USP6NL: variants seen among roughly 807,000 people sequenced by gnomAD.
USP6NL encodes USP6 N-terminal-like protein.
USP6NL carries 26 observed loss-of-function variants against 61.9 expected under a neutral mutation model. That is an observed-to-expected ratio of 0.42 (90% CI 0.31 to 0.58). The LOEUF (loss-of-function observed/expected upper bound fraction) is 0.58. USP6NL is among the 20% of genes least tolerant of loss of function. The probability of loss-of-function intolerance (pLI) is 0.16; values close to 1 mark genes in which losing one functional copy is unlikely to be tolerated. For synonymous variants in USP6NL, 432 were observed against 390.1 expected (o/e 1.11, Z -1.27); for missense variants, 1,114 against 1,034.3 (o/e 1.08, Z -1.06).
chr10:11,548,471 T>C lies in USP6NL; in HGVS notation c.5-20904A>G, dbSNP rs1399947367. On this transcript the variant is annotated intron_variant, in intron 2 of 14. Transcript: ENST00000609104. This position sits in a 1 kb window ranked among gnomAD's most constrained non-coding sequence, Gnocchi z 4.3. ...AGCTTGACATTTTATTATTTTTAAT[T>C]AACTCATTTTCCATTTTGGTCCATG... Among the ~76,000 whole-genome samples the C allele has an allele frequency of 3.9e-5, 6 of 152,224 alleles. No individual in the cohort carries two copies. The highest frequency in any genetic ancestry group is 7.3e-5 in the Non-Finnish European group (5 of 68,038).
At chr10:11,473,434 G>A (rs1364754072) in intron 14 of USP6NL, among the ~76,000 whole-genome samples, 2 of 152,278 alleles carry the variant, frequency 1.3e-5, no homozygotes, top group East Asian at 1.9e-4. Flanking sequence ...GTGGGTTTGG[G>A]GAGGCCAGGC....
chr10:11,561,353 A>G lies in USP6NL; in HGVS notation c.5-33786T>C, dbSNP rs763973849. ...TAACTTTTTTGGTGGGTTTCCATAA[A>G]GTCTTTCTCCTTTGCACATTCTAAA... On this transcript the variant is annotated intron_variant, in intron 2 of 14. Transcript: ENST00000609104. The surrounding 1 kb of genome is among the most constrained non-coding windows in gnomAD (Gnocchi z 4.1). 3.3e-5 allele frequency among the ~76,000 whole-genome samples: 5 copies of G among 152,226 alleles called. No individual in the cohort carries two copies. Among genetic ancestry groups the G allele is most frequent in the Non-Finnish European group, 7.3e-5 (5 of 68,032 alleles).
chr10:11,550,306 G>A (rs1487278488), intron 2 of USP6NL, among the ~76,000 whole-genome samples: 1 of 151,776 alleles, frequency 6.6e-6, no homozygotes, highest in Non-Finnish European at 1.5e-5. Flanking sequence ...GCTCTTCAAG[G>A]GATATAAATA....
intron 2 of USP6NL, among the ~76,000 whole-genome samples, chr10:11,555,433 A>AAAAAAATATAT (rs1275798295): frequency 1.0e-3 from 49 of 48,894 alleles, no homozygotes; most frequent in Non-Finnish European, 1.4e-3. Context: ...AAAAAAAAAA[A>AAAAAAATATAT]ATATATATAT....
At chr10:11,538,995 C>T (rs750781880) in intron 2 of USP6NL, among the ~76,000 whole-genome samples, 9 of 152,202 alleles carry the variant, frequency 5.9e-5, no homozygotes, top group East Asian at 1.9e-4. Context: ...GCTTCCATCA[C>T]GCTTCAAGTC....
At chr10:11,515,002 T>C (rs61844563) in intron 5 of USP6NL, among the ~76,000 whole-genome samples, 12,597 of 152,278 alleles carry the variant, frequency 0.083, 614 homozygotes, top group South Asian at 0.19. Flanking sequence ...GTTTATGATA[T>C]AATACCCTAT....
Position 11,487,337 on chromosome 10 carries a change from C to A in USP6NL, c.665-1426G>T, listed in dbSNP as rs759706991. ...AAAATTTCATAGGCAGACATAGAAA[C>A]AAACATCTCTAAGTATAAACTGACC... On this transcript the variant is annotated intron_variant, in intron 10 of 14. Transcript: ENST00000609104. This position sits in a 1 kb window ranked among gnomAD's most constrained non-coding sequence, Gnocchi z 4.2. Among the ~76,000 whole-genome samples the A allele has an allele frequency of 6.6e-6, 1 of 152,098 alleles. No homozygotes were observed. The highest frequency in any genetic ancestry group is 1.5e-5 in the Non-Finnish European group (1 of 67,998).
rs1254837912 is a variant in USP6NL, at chr10:11,487,629, C to T, written c.664+1473G>A. On this transcript the variant is annotated intron_variant, in intron 10 of 14. Coordinates refer to ENST00000609104, the MANE Select transcript of USP6NL (RefSeq NM_014688.5). The surrounding 1 kb of genome is among the most constrained non-coding windows in gnomAD (Gnocchi z 4.2). Reference sequence around the variant, plus strand: ...GGGAAGAGCGGCTTTCTTCAAGATGCCTTTTGGAATGATACTGCCTACTGG... The same window carrying T: ...GGGAAGAGCGGCTTTCTTCAAGATGTCTTTTGGAATGATACTGCCTACTGG... Among the ~76,000 whole-genome samples the T allele has an allele frequency of 2.0e-5, 3 of 151,974 alleles. No individual in the cohort carries two copies. The highest frequency in any genetic ancestry group is 2.1e-4 in the South Asian group (1 of 4,808).
chr10:11,465,593 T>TCTGCTG lies in USP6NL; in HGVS notation c.1079-1750_1079-1745dup, dbSNP rs543745338. Reference sequence around the variant, plus strand: ...AAAAAAGGAATAGATTTCCAGCTGGTCTGCTGCTGCTGCTGCTGCTACTGC... The same window carrying TCTGCTG: ...AAAAAAGGAATAGATTTCCAGCTGGTCTGCTGCTGCTGCTGCTGCTGCTGCTACTGC... On this transcript the variant is annotated intron_variant, in intron 14 of 14. Coordinates refer to ENST00000609104, the MANE Select transcript of USP6NL (RefSeq NM_014688.5). The surrounding 1 kb of genome is among the most constrained non-coding windows in gnomAD (Gnocchi z 4.5). 6.6e-5 allele frequency among the ~76,000 whole-genome samples: 10 copies of TCTGCTG among 151,970 alleles called. No individual in the cohort carries two copies. The highest frequency in any genetic ancestry group is 2.2e-4 in the African/African-American group (9 of 41,384).
chr10:11,464,497 A>G (rs867753981), intron 14 of USP6NL, among the ~76,000 whole-genome samples: 2 of 152,242 alleles, frequency 1.3e-5, no homozygotes, highest in African/African-American at 4.8e-5. Context: ...CCAAAGGCTC[A>G]CCACTAGCAA....
rs1835705503 is a variant in USP6NL at position 11,532,665 on chromosome 10, G to A, written c.5-5098C>T. Among the ~76,000 whole-genome samples, 2 of 152,110 alleles carry A rather than the reference G, an allele frequency of 1.3e-5. No homozygotes were observed. Among genetic ancestry groups the A allele is most frequent in the Non-Finnish European group, 2.9e-5 (2 of 68,032 alleles). ...CTTATTAAAAATAAAACTTGTCACAGAGCAACAAAAAAATTTTTATTTAAA... is the reference window on the plus strand; with the variant it reads ...CTTATTAAAAATAAAACTTGTCACAAAGCAACAAAAAAATTTTTATTTAAA... On this transcript the variant is annotated intron_variant, in intron 2 of 14. Coordinates refer to ENST00000609104, the MANE Select transcript of USP6NL (RefSeq NM_014688.5). This position sits in a 1 kb window ranked among gnomAD's most constrained non-coding sequence, Gnocchi z 4.1.
intron 2 of USP6NL, among the ~76,000 whole-genome samples, chr10:11,541,415 G>A (rs1002198601): frequency 1.4e-4 from 21 of 151,358 alleles, no homozygotes; most frequent in African/African-American, 3.9e-4. Context: ...TCAAAACTAC[G>A]AGGTAGGTAT....
intron 10 of USP6NL, among the ~76,000 whole-genome samples, chr10:11,488,698 A>G (rs1566128608): frequency 6.6e-6 from 1 of 152,264 alleles, no homozygotes; most frequent in Non-Finnish European, 1.5e-5. Context: ...AAGTTGTTAT[A>G]TATCACAATA....
At chr10:11,572,248 G>C (rs551604570) in intron 2 of USP6NL, among the ~76,000 whole-genome samples, 52 of 151,986 alleles carry the variant, frequency 3.4e-4, no homozygotes, top group African/African-American at 1.2e-3. Context: ...ATATTCTCTG[G>C]AAATAGTAAA....
At chr10:11,533,464 T>C (rs1170190972) in intron 2 of USP6NL, among the ~76,000 whole-genome samples, 1 of 152,190 alleles carries the variant, frequency 6.6e-6, no homozygotes, top group Non-Finnish European at 1.5e-5. Context: ...GATCTTGAGT[T>C]CAGAGATTGC....
chr10:11,512,027 G>C (rs1241796475), intron 5 of USP6NL, among the ~76,000 whole-genome samples: 1 of 152,072 alleles, frequency 6.6e-6, no homozygotes, highest in Non-Finnish European at 1.5e-5. Flanking sequence ...CAAAGATGCC[G>C]AAGCTAACTA....
At chr10:11,531,041 G>C (rs1835635681) in intron 2 of USP6NL, among the ~76,000 whole-genome samples, 1 of 152,232 alleles carries the variant, frequency 6.6e-6, no homozygotes, top group South Asian at 2.1e-4. Context: ...AACAACGGCA[G>C]CTGTGTTGGT....
intron 2 of USP6NL, among the ~76,000 whole-genome samples, chr10:11,559,165 T>A (rs540964316): frequency 1.3e-4 from 20 of 152,282 alleles, no homozygotes; most frequent in Non-Finnish European, 2.6e-4. Flanking sequence ...AGGTACTACA[T>A]ATGCAGTATA....
rs1186042984 is a variant in USP6NL, at chr10:11,532,115, A to T, written c.5-4548T>A. 8.3e-7 allele frequency: 1 copy of T among 1,198,654 alleles called. No individual in the cohort carries two copies. The highest frequency in any genetic ancestry group is 1.2e-6 in the Non-Finnish European group (1 of 852,300). 74.3% of individuals were successfully genotyped at this position (1,198,654 alleles called of 1,614,324 possible). A position where few individuals can be genotyped will look rare whatever the true frequency, so the allele number is the denominator to read the frequency against. On this transcript the variant is annotated intron_variant, in intron 2 of 14. Coordinates refer to ENST00000609104, the MANE Select transcript of USP6NL (RefSeq NM_014688.5). The surrounding 1 kb of genome is among the most constrained non-coding windows in gnomAD (Gnocchi z 4.1). The stretch of plus-strand genomic sequence containing the variant: ...AAATTTACAGCAGACCATTTTTCCT[A>T]GAGTACATTTTGACAGATGAACGTT...
Sources: gnomAD v4.1 joint callset for allele counts (sites outside exome capture counted in the v4.1 genomes callset) on GRCh38, gnomAD v4.1.1 for gene constraint, Gnocchi (gnomAD v3.1) non-coding constraint, MANE v1.5 for transcripts, NCBI Gene and HGNC (gene_info 2026-07-23, HGNC 2026-07-21) for gene names.